Variants in IPO9 observed in about 807,000 individuals in gnomAD.
IPO9 encodes importin-9.
In IPO9, 28 loss-of-function variants were observed where a neutral mutation model predicts 128.6. The observed-to-expected ratio is 0.22, with a 90% CI of 0.16 to 0.30. The LOEUF (loss-of-function observed/expected upper bound fraction) is 0.30, where lower values mean the gene tolerates loss of function less well. IPO9 is among the 10% of genes least tolerant of loss of function. The pLI is 1.00. For missense variants in IPO9, 935 were observed against 1,293.9 expected, an observed-to-expected ratio of 0.72 and a Z score of 4.26; for synonymous variants, 455 against 475.8, an observed-to-expected ratio of 0.96 and a Z score of 0.57.
At chr1:201,838,312 C>T (rs1327426362) in intron 1 of IPO9, among the ~76,000 whole-genome samples, 2 of 152,174 alleles carry the variant, frequency 1.3e-5, no homozygotes, top group African/African-American at 4.8e-5. Context: ...TTGTCTTTCT[C>T]CTTTAAATGG....
intron 1 of IPO9, among the ~76,000 whole-genome samples, chr1:201,832,550 G>A (rs995120347): frequency 2.6e-5 from 4 of 152,204 alleles, no homozygotes; most frequent in African/African-American, 7.2e-5. Context: ...TGAGCCAACC[G>A]GCCAGGCCGG....
At chr1:201,836,119 CAAAAAAAAAAA>C (rs34447985) in intron 1 of IPO9, among the ~76,000 whole-genome samples, 2 of 55,352 alleles carry the variant, frequency 3.6e-5, no homozygotes, top group South Asian at 1.1e-3. Context: ...GACTCCATCT[CAAAAAAAAAAA>C]AAAAAAAAAA....
chr1:201,829,761 GGATAAGAGTA>G (rs1208125589), intron 1 of IPO9, among the ~76,000 whole-genome samples: 1 of 152,132 alleles, frequency 6.6e-6, no homozygotes, highest in Non-Finnish European at 1.5e-5. Context: ...GATTGTACTG[GGATAAGAGTA>G]GGGGGAGCTA....
At chr1:201,836,118 T>TTAA in intron 1 of IPO9, among the ~76,000 whole-genome samples, 1 of 13,364 alleles carries the variant, frequency 7.5e-5, no homozygotes, top group Non-Finnish European at 1.4e-4. Flanking sequence ...AGACTCCATC[T>TTAA]CAAAAAAAAA....
chr1:201,869,591 C>T lies in IPO9; in HGVS notation c.2006C>T (p.Thr669Ile). 1 of 1,614,070 alleles carries T rather than the reference C, an allele frequency of 6.2e-7. No individual in the cohort carries two copies. The highest frequency in any genetic ancestry group is 8.5e-7 in the Non-Finnish European group (1 of 1,179,952). Residue 669 changes from threonine to isoleucine, a missense_variant and splice_region_variant, in exon 17 of 24, where the codon ACA becomes ATA. Thr to Ile is a moderately conservative substitution (Grantham distance 89, BLOSUM62 -1). Coordinates refer to ENST00000361565, the MANE Select transcript of IPO9 (RefSeq NM_018085.5). ...ADKIPAGLCATAIDILTTVVR... is the reference protein window; with the variant it reads ...ADKIPAGLCAIAIDILTTVVR... The stretch of plus-strand genomic sequence containing the variant: ...TTTTCTTTTTCTTCTCTCTTTCAGA[C>T]AGCCATTGATATCCTGACAACAGTA...
chr1:201,850,586 A>C (rs1164320463), intron 4 of IPO9: 1 of 152,152 alleles, frequency 6.6e-6, no homozygotes, highest in Non-Finnish European at 1.5e-5. Flanking sequence ...GAGTCCTAGA[A>C]TTTTTCTGAC....
intron 1 of IPO9, 61 bp downstream of exon 1, chr1:201,829,433 C>T (rs1471677583): frequency 2.3e-5 from 33 of 1,451,868 alleles, no homozygotes; most frequent in Non-Finnish European, 3.0e-5. Context: ...ACCGCAGCTC[C>T]GTACCGGCTG....
chr1:201,869,078 C>G (rs1392157161), intron 16 of IPO9, among the ~76,000 whole-genome samples: 1 of 152,150 alleles, frequency 6.6e-6, no homozygotes, highest in Middle Eastern at 3.4e-3. Flanking sequence ...TGGTGAAACC[C>G]TATCTCTACT....
At chr1:201,874,511 C>T (rs926840589) in intron 21 of IPO9, 139 bp downstream of exon 21, 3 of 925,748 alleles carry the variant, frequency 3.2e-6, no homozygotes, top group Admixed American at 5.5e-5. Flanking sequence ...TGGCACCATG[C>T]TAGGCACTAG....
intron 8 of IPO9, 92 bp from the exon 9 acceptor site, chr1:201,855,032 G>C: frequency 7.7e-7 from 1 of 1,298,248 alleles, no homozygotes; most frequent in Non-Finnish European, 1.1e-6. Flanking sequence ...CTTTTTTAAG[G>C]TGTCTACTTT....
At chr1:201,855,649 A>T in intron 9 of IPO9, 134 bp from the exon 10 acceptor site, 1 of 780,130 alleles carries the variant, frequency 1.3e-6, no homozygotes. Flanking sequence ...CTCTCTCCCA[A>T]TTCCTCAGGA....
intron 20 of IPO9, among the ~76,000 whole-genome samples, chr1:201,873,217 G>C (rs1001115124): frequency 6.6e-6 from 1 of 151,968 alleles, no homozygotes; most frequent in African/African-American, 2.4e-5. Flanking sequence ...GGCCAGAGCG[G>C]ATGGATCACT....
At chr1:201,854,035 C>T (rs1571546723) in intron 6 of IPO9, among the ~76,000 whole-genome samples, 1 of 152,200 alleles carries the variant, frequency 6.6e-6, no homozygotes, top group East Asian at 1.9e-4. Flanking sequence ...CATGCCCAGC[C>T]TAATGAATTT....
intron 14 of IPO9, among the ~76,000 whole-genome samples, chr1:201,865,911 C>T (rs913827318): frequency 7.9e-5 from 12 of 152,094 alleles, no homozygotes; most frequent in African/African-American, 2.7e-4. Context: ...CACTTCTATT[C>T]TAAGGGTTTA....
At chr1:201,859,844 C>T (rs1680409478) in intron 13 of IPO9, among the ~76,000 whole-genome samples, 3 of 151,982 alleles carry the variant, frequency 2.0e-5, no homozygotes, top group African/African-American at 7.2e-5. Flanking sequence ...CCTGTAGTCC[C>T]AGCTACTCAA....
At position 201,875,896 on chromosome 1, in the gene IPO9, G is replaced by C. The variant is rs548518361; in HGVS notation, c.3016-48G>C. On this transcript the variant is annotated intron_variant, in intron 23 of 23. Transcript: ENST00000361565. ...TTGTGGTTCTTGCTCCACTGCAAAT[G>C]GGTGACTTGCAATGTCTCACTAATG... 4 of 1,185,772 alleles carry C rather than the reference G, an allele frequency of 3.4e-6. No homozygotes were observed. In the Admixed American group the frequency reaches 5.1e-5, roughly 15 times the overall value. The allele number at this position is 1,185,772 out of a possible 1,614,324, so 73.5% of individuals were successfully genotyped here.
intron 1 of IPO9, among the ~76,000 whole-genome samples, chr1:201,842,541 A>G (rs1264366547): frequency 6.6e-6 from 1 of 152,198 alleles, no homozygotes; most frequent in African/African-American, 2.4e-5. Flanking sequence ...CCAGCTATCA[A>G]GTCAGCTTAT....
intron 11 of IPO9, among the ~76,000 whole-genome samples, chr1:201,857,408 T>G (rs2102880165): frequency 6.6e-6 from 1 of 152,254 alleles, no homozygotes; most frequent in East Asian, 1.9e-4. Context: ...AAATATTAGA[T>G]AAAAGAATTG....
In IPO9 at chr1:201,878,485, A is replaced by G. The variant is rs1277327839; in HGVS notation, c.*2431A>G. On this transcript the variant is annotated 3_prime_UTR_variant, in exon 24 of 24. Coordinates refer to ENST00000361565, the MANE Select transcript of IPO9 (RefSeq NM_018085.5). ...TATCTAGTGCCAAAAGTGGTCCTAA[A>G]TCCTTTGGCAAGGGTCCTTTCTGCT... 6.6e-6 allele frequency: 1 copy of G among 152,558 alleles called. No homozygotes were observed. The highest frequency in any genetic ancestry group is 1.9e-4 in the East Asian group (1 of 5,192). 9.5% of individuals were successfully genotyped at this position (152,558 alleles called of 1,614,324 possible).
Sources: gnomAD v4.1 joint callset for allele counts (sites outside exome capture counted in the v4.1 genomes callset) on GRCh38, gnomAD v4.1.1 for gene constraint, MANE v1.5 for transcripts, NCBI Gene and HGNC (gene_info 2026-07-23, HGNC 2026-07-21) for gene names.